Variants in F2R observed in about 807,000 individuals in gnomAD.
The protein encoded by F2R is coagulation factor II thrombin receptor.
F2R carries 12 observed loss-of-function variants against 18.3 expected under a neutral mutation model. The observed-to-expected ratio is 0.66, with a 90% CI of 0.42 to 1.06. F2R has a LOEUF of 1.06. F2R is among the 50% of genes least tolerant of loss of function. The probability of loss-of-function intolerance (pLI) is 0.00; values close to 1 mark genes in which losing one functional copy is unlikely to be tolerated. For missense variants in F2R, 438 were observed against 530.8 expected (o/e 0.83, Z 1.72); for synonymous variants, 210 against 219.9 (o/e 0.95, Z 0.40).
intron 1 of F2R, among the ~76,000 whole-genome samples, chr5:76,727,233 G>A (rs1748577046): frequency 6.6e-6 from 1 of 152,228 alleles, no homozygotes; most frequent in South Asian, 2.1e-4. Flanking sequence ...GGTTTCCAAA[G>A]TGAATGTATG....
Position 76,728,505 on chromosome 5 carries a change from G to A in F2R, c.89-3809G>A, listed in dbSNP as rs1393773310. On this transcript the variant is annotated intron_variant, in intron 1 of 1. Coordinates refer to ENST00000319211, the MANE Select transcript of F2R (RefSeq NM_001992.5). ...CATTATGCCCTCTCGGCTCATCCAT[G>A]TTGTTGCAAATGACAGAATTTCCTT... Among the ~76,000 whole-genome samples, 3 of 152,038 alleles carry A rather than the reference G, an allele frequency of 2.0e-5. No homozygotes were observed. In the East Asian group the frequency reaches 5.8e-4, roughly 29 times the overall value.
chr5:76,726,176 G>A (rs1218966288), intron 1 of F2R, among the ~76,000 whole-genome samples: 1 of 151,614 alleles, frequency 6.6e-6, no homozygotes, highest in Admixed American at 6.6e-5. Flanking sequence ...GATCACTTGA[G>A]GCCAGGAGCA....
At chr5:76,716,438 C>A (rs1580886567) in intron 1 of F2R, 43 bp downstream of exon 1, 1 of 1,365,962 alleles carries the variant, frequency 7.3e-7, no homozygotes, top group African/African-American at 1.5e-5. Context: ...GGAGGGACGC[C>A]GAGGGGAGAC....
intron 1 of F2R, among the ~76,000 whole-genome samples, chr5:76,719,150 A>G (rs1281987435): frequency 1.3e-5 from 2 of 152,224 alleles, no homozygotes; most frequent in Non-Finnish European, 2.9e-5. Flanking sequence ...CCCTCTGTGG[A>G]GTACTGACTA....
intron 1 of F2R, among the ~76,000 whole-genome samples, chr5:76,717,519 G>A (rs960800075): frequency 1.3e-5 from 2 of 152,068 alleles, no homozygotes; most frequent in African/African-American, 4.8e-5. Context: ...GCATGTTCTC[G>A]CCTCTCTGTC....
At position 76,735,632 on chromosome 5, in the gene F2R, G is replaced by T. The variant is rs921595989; in HGVS notation, c.*2129G>T. The T allele has an allele frequency of 6.6e-6, 1 of 152,062 alleles. No homozygotes were observed. The highest frequency in any genetic ancestry group is 1.5e-5 in the Non-Finnish European group (1 of 68,020). 9.4% of individuals were successfully genotyped at this position (152,062 alleles called of 1,614,324 possible). A position where few individuals can be genotyped will look rare whatever the true frequency, so the allele number is the denominator to read the frequency against. On this transcript the variant is annotated 3_prime_UTR_variant, in exon 2 of 2. Transcript: ENST00000319211. ...TATTCATTTTATCTAAATCAGTGAA[G>T]ATTTACTGTCATTGTTTATTAGTCT...
chr5:76,720,746 A>G (rs1024382247), intron 1 of F2R, among the ~76,000 whole-genome samples: 1 of 152,158 alleles, frequency 6.6e-6, no homozygotes. Flanking sequence ...ATTTCATATC[A>G]ATAGAATCAT....
chr5:76,726,023 T>C (rs771089970), intron 1 of F2R, among the ~76,000 whole-genome samples: 1 of 152,210 alleles, frequency 6.6e-6, no homozygotes, highest in African/African-American at 2.4e-5. Flanking sequence ...ATGTCCACTT[T>C]TTCCCCTCTG....
intron 1 of F2R, among the ~76,000 whole-genome samples, chr5:76,722,345 A>G (rs928274847): frequency 1.3e-5 from 2 of 152,206 alleles, no homozygotes; most frequent in African/African-American, 4.8e-5. Flanking sequence ...CTTGGAGAAC[A>G]GACCTGGAGA....
intron 1 of F2R, chr5:76,716,863 G>T: frequency 7.8e-6 from 4 of 515,200 alleles, no homozygotes; most frequent in Non-Finnish European, 1.0e-5. Context: ...CGAGAAAAGT[G>T]ATGTAGAGAA....
chr5:76,716,975 G>A (rs1748359198), intron 1 of F2R, among the ~76,000 whole-genome samples: 2 of 152,216 alleles, frequency 1.3e-5, no homozygotes, highest in African/African-American at 4.8e-5. Context: ...GATATATGGT[G>A]ACAATAGCAG....
chr5:76,726,845 C>T (rs1676234914), intron 1 of F2R, among the ~76,000 whole-genome samples: 1 of 152,074 alleles, frequency 6.6e-6, no homozygotes, highest in African/African-American at 2.4e-5. Context: ...CTTTCAGCAC[C>T]CACACACTCA....
chr5:76,723,921 T>A (rs532661515), intron 1 of F2R, among the ~76,000 whole-genome samples: 1 of 152,204 alleles, frequency 6.6e-6, no homozygotes, highest in Non-Finnish European at 1.5e-5. Flanking sequence ...CTCTCCCAAC[T>A]GTATAATTTT....
chr5:76,729,225 AT>A (rs1372010203), intron 1 of F2R, among the ~76,000 whole-genome samples: 1 of 152,146 alleles, frequency 6.6e-6, no homozygotes, highest in Non-Finnish European at 1.5e-5. Flanking sequence ...GTGATAACTC[AT>A]TGTGGTTTTA....
rs1748689548 is a variant in F2R at position 76,732,657 on chromosome 5, G to GTAACA, written c.432_433insTAACA (p.Ala145Ter). On this transcript the variant is annotated stop_gained and frameshift_variant, in exon 2 of 2. Transcript: ENST00000319211. LOFTEE classifies it high-confidence loss of function. ...CGGCGGTGGTGTACATGCTGCACCTGGCCACGGCAGATGTGCTGTTTGTGT... is the reference window on the plus strand; with the variant it reads ...CGGCGGTGGTGTACATGCTGCACCTGTAACAGCCACGGCAGATGTGCTGTTTGTGT... 6.2e-7 allele frequency: 1 copy of GTAACA among 1,614,048 alleles called. No individual in the cohort carries two copies. The highest frequency in any genetic ancestry group is 8.5e-7 in the Non-Finnish European group (1 of 1,180,042).
At position 76,726,089 on chromosome 5, in the gene F2R, C is replaced by T. The variant is rs182313919; in HGVS notation, c.89-6225C>T. 2.0e-3 allele frequency among the ~76,000 whole-genome samples: 300 copies of T among 152,262 alleles called. 5 individuals carry two copies. The highest frequency in any genetic ancestry group is 4.3e-4 in the Non-Finnish European group (29 of 68,018). ...CTTCCAAAACTGCAGAGGAGAATTGCATTATTTTAAGGTTCCTTGGCCAGG... is the reference window on the plus strand; with the variant it reads ...CTTCCAAAACTGCAGAGGAGAATTGTATTATTTTAAGGTTCCTTGGCCAGG... On this transcript the variant is annotated intron_variant, in intron 1 of 1. Coordinates refer to ENST00000319211, the MANE Select transcript of F2R (RefSeq NM_001992.5).
Position 76,716,315 on chromosome 5 carries a change from CGCG to C in F2R, c.14_16del (p.Arg5del). On this transcript the variant is annotated inframe_deletion, in exon 1 of 2. Coordinates refer to ENST00000319211, the MANE Select transcript of F2R (RefSeq NM_001992.5). ...CGCGCAGAGCCCGGGACAATGGGGC[CGCG>C]GCGGCTGCTGCTGGTGGCCGCCTGC... 7.1e-7 allele frequency: 1 copy of C among 1,410,690 alleles called. No homozygotes were observed. The highest frequency in any genetic ancestry group is 9.2e-7 in the Non-Finnish European group (1 of 1,085,010). 87.4% of individuals were successfully genotyped at this position (1,410,690 alleles called of 1,614,324 possible).
At chr5:76,721,150 G>A (rs37249) in intron 1 of F2R, among the ~76,000 whole-genome samples, 68,723 of 152,082 alleles carry the variant, frequency 0.45, 16,806 homozygotes, top group East Asian at 0.72. Context: ...TTCCATTGCG[G>A]ATACTCACAA....
At position 76,733,107 on chromosome 5, in the gene F2R, T is replaced by A; in HGVS notation, c.882T>A (p.Ile294=). 6.2e-7 allele frequency: 1 copy of A among 1,614,246 alleles called. No individual in the cohort carries two copies. Among genetic ancestry groups the A allele is most frequent in the Non-Finnish European group, 8.5e-7 (1 of 1,180,046 alleles). The change falls in exon 2 of 2, where the codon ATT becomes ATA. Residue 294 remains isoleucine, a synonymous_variant. Coordinates refer to ENST00000319211, the MANE Select transcript of F2R (RefSeq NM_001992.5). ...CCACGGTCTGTTATGTGTCTATCAT[T>A]CGATGTCTTAGCTCTTCCGCAGTTG... ...IISTVCYVSI[I]RCLSSSAVAN... is the part of the protein sequence containing the mutation.
Sources: gnomAD v4.1 joint callset for allele counts (sites outside exome capture counted in the v4.1 genomes callset) on GRCh38, gnomAD v4.1.1 for gene constraint, MANE v1.5 for transcripts, NCBI Gene and HGNC (gene_info 2026-07-23, HGNC 2026-07-21) for gene names.